Variants in TMEM132B observed in about 807,000 individuals in gnomAD.
TMEM132B encodes transmembrane protein 132B.
In TMEM132B, 18 loss-of-function variants were observed where a neutral mutation model predicts 90.8. The ratio of observed to expected loss-of-function variants is 0.20; its 90% CI spans 0.14 to 0.29. The LOEUF (loss-of-function observed/expected upper bound fraction) is 0.29. Among genes scored for constraint, TMEM132B ranks in the 10% least tolerant of loss-of-function variants. TMEM132B has a pLI of 1.00. For missense variants in TMEM132B, 1,096 were observed against 1,326.8 expected, an observed-to-expected ratio of 0.83 and a Z score of 2.70; for synonymous variants, 504 against 523.3, an observed-to-expected ratio of 0.96 and a Z score of 0.50.
At chr12:125,449,819 AT>A (rs1881102866) in intron 3 of TMEM132B, among the ~76,000 whole-genome samples, 1 of 152,164 alleles carries the variant, frequency 6.6e-6, no homozygotes, top group South Asian at 2.1e-4. Flanking sequence ...TGTTTTATGC[AT>A]TGGTAGGGGT....
At chr12:125,586,927 G>A (rs117763502) in intron 5 of TMEM132B, 9 of 152,120 alleles carry the variant, frequency 5.9e-5, no homozygotes, top group South Asian at 2.1e-4. Flanking sequence ...CCATGAAATC[G>A]TGATGAAGGA....
intron 5 of TMEM132B, among the ~76,000 whole-genome samples, chr12:125,608,943 T>C (rs59221509): frequency 2.7e-3 from 411 of 152,264 alleles, no homozygotes; most frequent in African/African-American, 9.4e-3. Flanking sequence ...AAAGAAAAGA[T>C]ATTTAATTGA....
chr12:125,353,118 C>G (rs141957941), intron 2 of TMEM132B, among the ~76,000 whole-genome samples: 1 of 152,190 alleles, frequency 6.6e-6, no homozygotes, highest in African/African-American at 2.4e-5. Context: ...GCTTCACTGC[C>G]TCTGCCTCTC....
At chr12:125,281,583 C>G (rs1209094578) in intron 1 of TMEM132B, among the ~76,000 whole-genome samples, 1 of 152,168 alleles carries the variant, frequency 6.6e-6, no homozygotes, top group Non-Finnish European at 1.5e-5. Flanking sequence ...ACGGTGAGCA[C>G]TGCATCACGT....
At chr12:125,216,676 A>C (rs1873445050) in intron 1 of TMEM132B, among the ~76,000 whole-genome samples, 1 of 152,212 alleles carries the variant, frequency 6.6e-6, no homozygotes, top group Non-Finnish European at 1.5e-5. Flanking sequence ...GATGTTCAAG[A>C]AAAGGTCACT....
chr12:125,355,352 T>C (rs776647499), intron 2 of TMEM132B, among the ~76,000 whole-genome samples: 1 of 152,036 alleles, frequency 6.6e-6, no homozygotes, highest in Non-Finnish European at 1.5e-5. Context: ...GGTTTTGGCC[T>C]GGAGGAGCTG....
chr12:125,589,821 T>A (rs1885277276), intron 5 of TMEM132B, among the ~76,000 whole-genome samples: 2 of 152,014 alleles, frequency 1.3e-5, no homozygotes, highest in Non-Finnish European at 2.9e-5. Flanking sequence ...CATGATCCAA[T>A]CACCTTCCAC....
intron 2 of TMEM132B, among the ~76,000 whole-genome samples, chr12:125,374,518 C>T (rs1878416065): frequency 6.6e-6 from 1 of 151,954 alleles, no homozygotes; most frequent in Non-Finnish European, 1.5e-5. Context: ...CTGGATGTCT[C>T]CTGCCACAGT....
At chr12:125,379,514 A>T (rs1878596938) in intron 2 of TMEM132B, among the ~76,000 whole-genome samples, 1 of 152,200 alleles carries the variant, frequency 6.6e-6, no homozygotes, top group South Asian at 2.1e-4. Context: ...CAAAAAATGG[A>T]TATTCTCCTT....
intron 4 of TMEM132B, among the ~76,000 whole-genome samples, chr12:125,564,918 A>T (rs895699773): frequency 1.3e-5 from 2 of 152,198 alleles, no homozygotes; most frequent in East Asian, 3.9e-4. Context: ...TCTGACTGTG[A>T]AACAATGTTG....
In TMEM132B at chr12:125,625,299, A is replaced by T. The variant is rs532340025; in HGVS notation, c.1438-18777A>T. Among the ~76,000 whole-genome samples, 8 of 151,720 alleles carry T rather than the reference A, an allele frequency of 5.3e-5. No homozygotes were observed. The East Asian group carries it at 7.8e-4, about 15-fold the overall frequency. ...AGGCGCCCGCCCCCACGCCCAGCTAATTTTTTTATATTTTTAGTAGAGACG... is the reference window on the plus strand; with the variant it reads ...AGGCGCCCGCCCCCACGCCCAGCTATTTTTTTTATATTTTTAGTAGAGACG... On this transcript the variant is annotated intron_variant, in intron 5 of 8. Coordinates refer to ENST00000682704, the MANE Select transcript of TMEM132B (RefSeq NM_001366854.1).
At chr12:125,261,760 A>G (rs905221059) in intron 1 of TMEM132B, among the ~76,000 whole-genome samples, 2 of 152,214 alleles carry the variant, frequency 1.3e-5, no homozygotes, top group Non-Finnish European at 2.9e-5. Flanking sequence ...AAAAGGGGTT[A>G]TATGTGTCCC....
intron 5 of TMEM132B, among the ~76,000 whole-genome samples, chr12:125,636,331 T>G (rs563655402): frequency 2.0e-5 from 2 of 98,936 alleles, no homozygotes; most frequent in Admixed American, 2.1e-4. Flanking sequence ...GAGCTAATTT[T>G]CCAGAGTTAT....
At chr12:125,227,600 A>G (rs764677403) in intron 1 of TMEM132B, among the ~76,000 whole-genome samples, 1 of 152,128 alleles carries the variant, frequency 6.6e-6, no homozygotes, top group Admixed American at 6.5e-5. Context: ...TTGGAGATCT[A>G]TTAGGATGGT....
intron 2 of TMEM132B, 119 bp downstream of exon 2, chr12:125,350,462 G>C (rs539609106): frequency 1.6e-6 from 2 of 1,218,598 alleles, no homozygotes; most frequent in East Asian, 2.3e-5. Context: ...AATACAGCTG[G>C]TCATTAAAGT....
intron 1 of TMEM132B, among the ~76,000 whole-genome samples, chr12:125,323,703 G>A (rs974519777): frequency 6.6e-6 from 1 of 152,100 alleles, no homozygotes; most frequent in Non-Finnish European, 1.5e-5. Flanking sequence ...ATTTTCAGTA[G>A]AGACAGGGTT....
At chr12:125,653,006 A>G (rs187180164) in intron 8 of TMEM132B, among the ~76,000 whole-genome samples, 114 of 152,316 alleles carry the variant, frequency 7.5e-4, no homozygotes, top group African/African-American at 2.6e-3. Context: ...ACAGGCACCA[A>G]ATTGCTACTG....
At chr12:125,517,457 G>T (rs892744118) in intron 3 of TMEM132B, among the ~76,000 whole-genome samples, 3 of 149,606 alleles carry the variant, frequency 2.0e-5, no homozygotes, top group South Asian at 2.1e-4. Context: ...CTCCCAAAGT[G>T]CTGGGATTAC....
chr12:125,576,974 T>G (rs374645096), intron 4 of TMEM132B, among the ~76,000 whole-genome samples: 37 of 151,816 alleles, frequency 2.4e-4, no homozygotes, highest in African/African-American at 7.2e-4. Context: ...TTCTTTTTTT[T>G]TTTTTAAATT....
Sources: gnomAD v4.1 joint callset for allele counts (sites outside exome capture counted in the v4.1 genomes callset) on GRCh38, gnomAD v4.1.1 for gene constraint, MANE v1.5 for transcripts, NCBI Gene and HGNC (gene_info 2026-07-23, HGNC 2026-07-21) for gene names.